Variants in GFM1 observed in about 807,000 individuals in gnomAD.
The protein encoded by GFM1 is G elongation factor mitochondrial 1.
Under a neutral mutation model 96.2 loss-of-function variants are expected in GFM1, and 62 were observed. The ratio of observed to expected loss-of-function variants is 0.64; its 90% CI spans 0.53 to 0.80. GFM1 has a LOEUF of 0.80. Among genes scored for constraint, GFM1 ranks in the 30% least tolerant of loss-of-function variants. The pLI is 0.00. For missense variants in GFM1, 852 were observed against 916.6 expected (o/e 0.93, Z 0.91); for synonymous variants, 282 against 312.9 (o/e 0.90, Z 1.04).
intron 6 of GFM1, among the ~76,000 whole-genome samples, chr3:158,653,054 A>G (rs774409873): frequency 2.6e-5 from 4 of 152,146 alleles, no homozygotes; most frequent in Non-Finnish European, 4.4e-5. Context: ...AGCAAATTGA[A>G]AATTAGTGAG....
intron 13 of GFM1, among the ~76,000 whole-genome samples, chr3:158,674,056 G>A (rs6767792): frequency 0.41 from 61,909 of 149,632 alleles, 13,978 homozygotes; most frequent in African/African-American, 0.6. Flanking sequence ...TTTGCTTTGC[G>A]AGACACTGTC....
intron 13 of GFM1, 66 bp from the exon 14 acceptor site, chr3:158,681,929 T>G: frequency 1.6e-6 from 2 of 1,259,078 alleles, no homozygotes; most frequent in Admixed American, 1.9e-5. Flanking sequence ...TCTTTTAAAT[T>G]AATAGGAGTT....
At chr3:158,669,008 A>T in intron 13 of GFM1, 1 of 1,611,340 alleles carries the variant, frequency 6.2e-7, no homozygotes, top group Non-Finnish European at 8.5e-7. Flanking sequence ...CTTGCTTGAC[A>T]GTTTGAATTT....
chr3:158,659,134 C>G (rs1722996597), intron 9 of GFM1, 75 bp downstream of exon 9: 7 of 1,510,886 alleles, frequency 4.6e-6, no homozygotes, highest in East Asian at 4.5e-5. Context: ...TATCCTGAGC[C>G]CCACTAGAAA....
chr3:158,680,155 A>AG (rs1725245319), intron 13 of GFM1, among the ~76,000 whole-genome samples: 1 of 152,122 alleles, frequency 6.6e-6, no homozygotes, highest in African/African-American at 2.4e-5. Flanking sequence ...TTTCTTTTTC[A>AG]ATTAAAAAAA....
chr3:158,676,991 C>T (rs1295515563), intron 13 of GFM1, among the ~76,000 whole-genome samples: 6 of 152,152 alleles, frequency 3.9e-5, no homozygotes, highest in South Asian at 2.1e-4. Flanking sequence ...TGAGCCGCCA[C>T]GCCCGGCCTC....
chr3:158,666,198 A>T, intron 12 of GFM1, 106 bp from the exon 13 acceptor site: 1 of 767,492 alleles, frequency 1.3e-6, no homozygotes, highest in Non-Finnish European at 2.2e-6. Context: ...AGATTTGTTT[A>T]TCTATTATAT....
chr3:158,649,308 C>G, intron 5 of GFM1, 151 bp downstream of exon 5: 1 of 542,302 alleles, frequency 1.8e-6, no homozygotes, highest in East Asian at 3.4e-5. Context: ...ACCTTTAATC[C>G]TAGTCGCTCC....
chr3:158,664,869 CA>C (rs1723505293), intron 11 of GFM1, among the ~76,000 whole-genome samples: 1 of 152,124 alleles, frequency 6.6e-6, no homozygotes, highest in African/African-American at 2.4e-5. Flanking sequence ...CACATCCAAG[CA>C]GATTGTTTTG....
At chr3:158,679,317 G>A (rs1175120409) in intron 13 of GFM1, among the ~76,000 whole-genome samples, 2 of 152,096 alleles carry the variant, frequency 1.3e-5, no homozygotes, top group African/African-American at 4.8e-5. Context: ...TTGCTTTATT[G>A]CGATATTAGC....
At chr3:158,672,488 GCAGTGACTT>G in intron 13 of GFM1, 1 of 1,613,744 alleles carries the variant, frequency 6.2e-7, no homozygotes, top group Non-Finnish European at 8.5e-7. Context: ...TTCCGGATGA[GCAGTGACTT>G]CAGGGCTTGG....
intron 10 of GFM1, 50 bp from the exon 11 acceptor site, chr3:158,662,578 A>G (rs746018998): frequency 1.9e-6 from 2 of 1,077,242 alleles, no homozygotes; most frequent in South Asian, 1.2e-5. Context: ...TCCCTGACCC[A>G]TATGGGTCTG....
At chr3:158,689,696 G>A (rs1726145828) in intron 15 of GFM1, among the ~76,000 whole-genome samples, 1 of 149,982 alleles carries the variant, frequency 6.7e-6, no homozygotes, top group South Asian at 2.1e-4. Flanking sequence ...GAACCTGGGA[G>A]ACAGAGTTGC....
intron 15 of GFM1, among the ~76,000 whole-genome samples, chr3:158,688,003 T>C (rs1490697919): frequency 1.3e-5 from 2 of 152,062 alleles, no homozygotes; most frequent in African/African-American, 4.8e-5. Context: ...ATGAGCTTAG[T>C]ATAAGAATAG....
intron 13 of GFM1, among the ~76,000 whole-genome samples, chr3:158,680,151 T>TACATGA (rs1725244520): frequency 6.6e-6 from 1 of 152,198 alleles, no homozygotes; most frequent in African/African-American, 2.4e-5. Context: ...AATTTTTCTT[T>TACATGA]TTCAATTAAA....
intron 13 of GFM1, among the ~76,000 whole-genome samples, chr3:158,675,297 A>C (rs1165325605): frequency 2.8e-5 from 4 of 142,920 alleles, no homozygotes; most frequent in East Asian, 1.9e-4. Flanking sequence ...AAAAAAAAAA[A>C]AAAAAAAAAA....
rs78536844 is a variant in GFM1 at position 158,670,372 on chromosome 3, C to T, written c.1601+3986C>T. Among the ~76,000 whole-genome samples the T allele has an allele frequency of 9.5e-3, 1,449 of 152,222 alleles. 30 individuals carry two copies. The highest frequency in any genetic ancestry group is 0.033 in the African/African-American group (1,365 of 41,528). On this transcript the variant is annotated intron_variant, in intron 13 of 17. Transcript: ENST00000486715. ...TGAAAAATAGAATGAGAAAAGCAGA[C>T]GTTAAGAAGATGATTGATTGGGGAA...
At chr3:158,655,670 T>G in intron 8 of GFM1, 1 of 221,038 alleles carries the variant, frequency 4.5e-6, no homozygotes, top group South Asian at 6.3e-5. Context: ...AGAAAAGTTA[T>G]GAAGATAGTC....
chr3:158,677,173 A>G (rs889281332), intron 13 of GFM1, among the ~76,000 whole-genome samples: 3 of 152,202 alleles, frequency 2.0e-5, no homozygotes, highest in South Asian at 2.1e-4. Flanking sequence ...ACCTGCCCAT[A>G]TAAGATAGCA....
Sources: gnomAD v4.1 joint callset for allele counts (sites outside exome capture counted in the v4.1 genomes callset) on GRCh38, gnomAD v4.1.1 for gene constraint, MANE v1.5 for transcripts, NCBI Gene and HGNC (gene_info 2026-07-23, HGNC 2026-07-21) for gene names.